PDPR: variants seen among roughly 807,000 people sequenced by gnomAD.
PDPR encodes pyruvate dehydrogenase phosphatase regulatory subunit, mitochondrial.
A neutral mutation model predicts 102.2 loss-of-function variants in PDPR; 50 were observed. That is an observed-to-expected ratio of 0.49 (90% CI 0.39 to 0.62). The LOEUF is 0.62. Among genes scored for constraint, PDPR ranks in the 20% least tolerant of loss-of-function variants. PDPR has a pLI of 0.00. For synonymous variants in PDPR, 259 were observed against 406.0 expected (o/e 0.64, Z 4.35); for missense variants, 625 against 1,098.2 (o/e 0.57, Z 6.09).
In PDPR at chr16:70,156,749, G is replaced by C. The variant is rs753375391; in HGVS notation, c.2510G>C (p.Arg837Pro). 2 of 1,613,982 alleles carry C rather than the reference G, an allele frequency of 1.2e-6. No homozygotes were observed. The highest frequency in any genetic ancestry group is 1.7e-6 in the Non-Finnish European group (2 of 1,179,924). Residue 837 changes from arginine to proline, a missense_variant, in exon 19 of 19, where the codon CGG (arginine) becomes CCG (proline). Physicochemically the swap from Arg to Pro is moderately radical, Grantham distance 103. Around this residue, in one of 11 missense-constraint regions of PDPR, gnomAD observed 303 missense variants for 258.9 expected, o/e 1.17. Transcript: ENST00000288050. ...EQVVTADFIN[R>P]GEYEIDIAGY... ...GTGGTGACAGCAGATTTCATCAACCGGGGAGAGTATGAGATTGACATCGCG... is the reference window on the plus strand; with the variant it reads ...GTGGTGACAGCAGATTTCATCAACCCGGGAGAGTATGAGATTGACATCGCG...
chr16:70,136,620 C>T, intron 10 of PDPR, among the ~76,000 whole-genome samples: 1 of 152,260 alleles, frequency 6.6e-6, no homozygotes, highest in Middle Eastern at 3.4e-3. Context: ...TTGGAGTTAG[C>T]CACAGATCCT....
chr16:70,118,307 G>A (rs1237109108), intron 2 of PDPR, among the ~76,000 whole-genome samples: 1 of 152,250 alleles, frequency 6.6e-6, no homozygotes, highest in Non-Finnish European at 1.5e-5. Context: ...AAGGGTTTCA[G>A]GGAATGAGAT....
chr16:70,157,009 T>C lies in PDPR; in HGVS notation c.*130T>C, dbSNP rs550249409. On this transcript the variant is annotated 3_prime_UTR_variant, in exon 19 of 19. Transcript: ENST00000288050. ...CCTCCCATCTCTTATCTCCTTGATA[T>C]AATTTTGAACTTGACCTACTTTAAA... The C allele has an allele frequency of 4.7e-4, 649 of 1,367,118 alleles. 2 individuals are homozygous for C. Among genetic ancestry groups the C allele is most frequent in the Non-Finnish European group, 5.5e-4 (547 of 986,180 alleles). The allele number at this position is 1,367,118 out of a possible 1,614,324, so 84.7% of individuals were successfully genotyped here. A position where few individuals can be genotyped will look rare whatever the true frequency, so the allele number is the denominator to read the frequency against.
rs1964428319 is a variant in PDPR, at chr16:70,130,463, G to A, written c.648G>A (p.Met216Ile). 1.9e-6 allele frequency: 3 copies of A among 1,613,728 alleles called. No homozygotes were observed. The highest frequency in any genetic ancestry group is 2.7e-5 in the African/African-American group (2 of 75,064). ...ACCGGACATCTGTTCTTCATGTAATGGTCAAAAAAGGTCAAGTTACTGGAG... is the reference window on the plus strand; with the variant it reads ...ACCGGACATCTGTTCTTCATGTAATAGTCAAAAAAGGTCAAGTTACTGGAG... ...IYDRTSVLHVMVKKGQVTGVE... is the reference protein window; with the variant it reads ...IYDRTSVLHVIVKKGQVTGVE... The change falls in exon 7 of 19, where the codon ATG becomes ATA. Residue 216 changes from methionine to isoleucine, a missense_variant. This residue lies in a region of PDPR where 35 missense variants were observed against 63.5 expected (regional missense o/e 0.55). Transcript: ENST00000288050.
intron 3 of PDPR, among the ~76,000 whole-genome samples, chr16:70,124,808 T>C (rs1204973199): frequency 6.6e-6 from 1 of 152,234 alleles, no homozygotes; most frequent in Admixed American, 6.5e-5. Flanking sequence ...GTGGAAAATA[T>C]AATTATTAGA....
chr16:70,142,152 A>T, intron 11 of PDPR, 82 bp from the exon 12 acceptor site: 1 of 1,474,792 alleles, frequency 6.8e-7, no homozygotes, highest in African/African-American at 1.4e-5. Context: ...AATAGAAACA[A>T]CTCCAGAGTC....
At chr16:70,122,819 A>G (rs1963468369) in intron 3 of PDPR, among the ~76,000 whole-genome samples, 1 of 145,296 alleles carries the variant, frequency 6.9e-6, no homozygotes, top group Non-Finnish European at 1.5e-5. Context: ...CTTCTCCCCC[A>G]TTTATTTACT....
chr16:70,155,731 C>T (rs1162107069), intron 18 of PDPR, among the ~76,000 whole-genome samples: 4 of 151,916 alleles, frequency 2.6e-5, no homozygotes, highest in Non-Finnish European at 5.9e-5. Flanking sequence ...ATTTGTTGTA[C>T]ATATGTGTAT....
intron 6 of PDPR, among the ~76,000 whole-genome samples, chr16:70,130,067 C>T (rs60669171): frequency 0.031 from 4,722 of 150,318 alleles, 1 homozygote; most frequent in African/African-American, 0.058. Flanking sequence ...CCAAGGCAGG[C>T]GGATCACCTG....
chr16:70,150,717 G>T (rs1245295686), intron 17 of PDPR, among the ~76,000 whole-genome samples: 1 of 152,170 alleles, frequency 6.6e-6, no homozygotes, highest in Non-Finnish European at 1.5e-5. Flanking sequence ...TTGCTATGTT[G>T]CCTAGGCTGG....
intron 17 of PDPR, among the ~76,000 whole-genome samples, chr16:70,151,693 G>T (rs1966752085): frequency 6.6e-6 from 1 of 152,280 alleles, no homozygotes; most frequent in South Asian, 2.1e-4. Flanking sequence ...TCAGCTTTCT[G>T]ATTTCCCTGG....
chr16:70,126,610 A>G (rs1253527547), intron 3 of PDPR, among the ~76,000 whole-genome samples: 1 of 152,218 alleles, frequency 6.6e-6, no homozygotes, highest in Admixed American at 6.5e-5. Context: ...TGATCCGCCC[A>G]CCTCAGCCTC....
chr16:70,135,675 T>C, intron 9 of PDPR, among the ~76,000 whole-genome samples: 1 of 152,272 alleles, frequency 6.6e-6, no homozygotes. Flanking sequence ...CCAATATCTT[T>C]TTTCCTCAGT....
chr16:70,150,647 A>G (rs1966660845), intron 17 of PDPR, among the ~76,000 whole-genome samples: 1 of 151,900 alleles, frequency 6.6e-6, no homozygotes, highest in Non-Finnish European at 1.5e-5. Context: ...AGCTGGGACT[A>G]CAAGCATGTG....
rs1967496982 is a variant in PDPR at position 70,158,818 on chromosome 16, G to A, written c.*1939G>A. ...GAGCAGACTTACCTCCGAAGATGGA[G>A]ACAGGTGACTGAGAGCTGCAGGCCT... On this transcript the variant is annotated 3_prime_UTR_variant, in exon 19 of 19. Transcript: ENST00000288050. 1.3e-5 allele frequency: 2 copies of A among 152,786 alleles called. No individual in the cohort carries two copies. Among genetic ancestry groups the A allele is most frequent in the South Asian group, 2.1e-4 (1 of 4,834 alleles). 9.5% of individuals were successfully genotyped at this position (152,786 alleles called of 1,614,324 possible).
In PDPR at chr16:70,156,514, A is replaced by C. The variant is rs1367250866; in HGVS notation, c.2275A>C (p.Lys759Gln). Reference sequence around the variant, plus strand: ...TGGTCGCGACGCCCTCCTGCAGCAGAAGCAGAATGGAGTGTATAAACGCCT... The same window carrying C: ...TGGTCGCGACGCCCTCCTGCAGCAGCAGCAGAATGGAGTGTATAAACGCCT... ...FIGRDALLQQKQNGVYKRLTM... is the reference protein window; with the variant it reads ...FIGRDALLQQQQNGVYKRLTM... The change falls in exon 19 of 19, where the codon AAG (lysine) becomes CAG (glutamine). Residue 759 changes from lysine to glutamine, a missense_variant. By Grantham distance (53) the Lys-to-Gln change is moderately conservative (BLOSUM62 1). Around this residue, in one of 11 missense-constraint regions of PDPR, gnomAD observed 303 missense variants for 258.9 expected, o/e 1.17. Transcript: ENST00000288050. 6.2e-7 allele frequency: 1 copy of C among 1,613,864 alleles called. No individual in the cohort carries two copies. Among genetic ancestry groups the C allele is most frequent in the African/African-American group, 1.3e-5 (1 of 74,954 alleles).
At position 70,120,558 on chromosome 16, in the gene PDPR, G is replaced by A. The variant is rs746816808; in HGVS notation, c.66G>A (p.Trp22Ter). 4 of 1,613,890 alleles carry A rather than the reference G, an allele frequency of 2.5e-6. No homozygotes were observed. Among genetic ancestry groups the A allele is most frequent in the African/African-American group, 1.3e-5 (1 of 74,932 alleles). ...GAGCCAGCCCAGGATGGCAGAACTG[G>A]TCCTCTGCAAGAAACAGCACGTCAG... Reference protein sequence around the residue: ...RQRASPGWQNWSSARNSTSAA... With the variant: ...RQRASPGWQN The change falls in exon 3 of 19, where the codon TGG becomes TGA. Residue 22 changes from tryptophan (W) to a stop codon, truncating the protein, a stop_gained. Coordinates refer to ENST00000288050, the MANE Select transcript of PDPR (RefSeq NM_017990.5). LOFTEE classifies it high-confidence loss of function.
In PDPR at chr16:70,156,532, A is replaced by T; in HGVS notation, c.2293A>T (p.Lys765Ter). 6.2e-7 allele frequency: 1 copy of T among 1,614,088 alleles called. No homozygotes were observed. The highest frequency in any genetic ancestry group is 8.5e-7 in the Non-Finnish European group (1 of 1,179,898). ...GCAGCAGAAGCAGAATGGAGTGTAT[A>T]AACGCCTCACCATGTTCATCCTGGA... ...LLQQKQNGVYKRLTMFILDDH... is the reference protein window; with the variant it reads ...LLQQKQNGVY Residue 765 changes from lysine to a stop codon, truncating the protein, a stop_gained, in exon 19 of 19, where the codon AAA (lysine) becomes TAA (stop). Coordinates refer to ENST00000288050, the MANE Select transcript of PDPR (RefSeq NM_017990.5). LOFTEE classifies it high-confidence loss of function.
At chr16:70,150,091 CTTTTTT>C (rs59657802) in intron 17 of PDPR, among the ~76,000 whole-genome samples, 2 of 136,330 alleles carry the variant, frequency 1.5e-5, no homozygotes, top group South Asian at 2.4e-4. Context: ...ACCCGGCCGG[CTTTTTT>C]TTTTTTTTTT....
Sources: allele counts gnomAD v4.1 joint callset (sites outside exome capture counted in the v4.1 genomes callset), GRCh38; gene constraint gnomAD v4.1.1; regional missense constraint gnomAD v4.1.1; transcripts MANE v1.5; gene names NCBI Gene and HGNC (gene_info 2026-07-23, HGNC 2026-07-21).